CYRIB: variants seen among roughly 807,000 people sequenced by gnomAD.
CYRIB encodes the protein CYFIP related Rac1 interactor B, also known as CYFIP-related Rac1 interactor B.
In CYRIB, 8 loss-of-function variants were observed where a neutral mutation model predicts 44.2. The ratio of observed to expected loss-of-function variants is 0.18; its 90% CI spans 0.11 to 0.33. The LOEUF is 0.33. Ranked by LOEUF, CYRIB falls within the 10% of genes least tolerant of loss-of-function variation. The probability of loss-of-function intolerance (pLI) is 1.00; values close to 1 mark genes in which losing one functional copy is unlikely to be tolerated. For synonymous variants in CYRIB, 131 were observed against 127.2 expected (o/e 1.03, Z -0.20); for missense variants, 185 against 382.8 (o/e 0.48, Z 4.31).
intron 4 of CYRIB, among the ~76,000 whole-genome samples, chr8:129,868,357 C>T (rs978813457): frequency 2.0e-5 from 3 of 152,088 alleles, no homozygotes; most frequent in African/African-American, 7.2e-5. Context: ...ATTTCAATGC[C>T]TATTTCTCTT....
At position 129,939,042 on chromosome 8, in the gene CYRIB, G is replaced by A. The variant is rs368454999; in HGVS notation, c.-50+566C>T. Among the ~76,000 whole-genome samples the A allele has an allele frequency of 1.6e-4, 25 of 152,342 alleles. No individual in the cohort carries two copies. In the East Asian group the frequency reaches 4.6e-3, roughly 28 times the overall value. On this transcript the variant is annotated intron_variant, in intron 1 of 11. Coordinates refer to ENST00000519824, the Ensembl canonical transcript of CYRIB. ...GGACAACGCAGTATCTAAGTTGGAA[G>A]ATCTGGCCGCGCAGGTGGAAGGCGA...
chr8:129,962,236 C>T (rs1276939516), intron 2 of CYRIB, among the ~76,000 whole-genome samples: 1 of 151,110 alleles, frequency 6.6e-6, no homozygotes, highest in Non-Finnish European at 1.5e-5. Flanking sequence ...AGAGTGAAAC[C>T]CTGTTTAAAA....
intron 2 of CYRIB, among the ~76,000 whole-genome samples, chr8:129,886,946 C>T (rs529238552): frequency 6.6e-6 from 1 of 152,306 alleles, no homozygotes; most frequent in South Asian, 2.1e-4. Context: ...TATAAATCAT[C>T]CTTTCTCTGC....
intron 2 of CYRIB, among the ~76,000 whole-genome samples, chr8:129,958,600 G>A (rs558756397): frequency 1.1e-4 from 17 of 152,248 alleles, no homozygotes; most frequent in African/African-American, 3.9e-4. Flanking sequence ...GGGCAGAAAA[G>A]TCAAAAGGGG....
chr8:129,994,096 C>G (rs1259664756), intron 1 of CYRIB, among the ~76,000 whole-genome samples: 1 of 152,154 alleles, frequency 6.6e-6, no homozygotes, highest in East Asian at 1.9e-4. Context: ...GATTTAGGAT[C>G]TTTGCAGATG....
chr8:129,882,850 T>C (rs555131331), intron 2 of CYRIB, among the ~76,000 whole-genome samples: 7 of 152,196 alleles, frequency 4.6e-5, no homozygotes, highest in South Asian at 2.1e-4. Context: ...TTTGCTCTCA[T>C]AAGGATTGAG....
chr8:129,907,484 C>T (rs781653925), intron 1 of CYRIB, among the ~76,000 whole-genome samples: 1 of 152,006 alleles, frequency 6.6e-6, no homozygotes, highest in Non-Finnish European at 1.5e-5. Flanking sequence ...AGGAGATATA[C>T]TTAATGTAAA....
intron 1 of CYRIB, among the ~76,000 whole-genome samples, chr8:129,980,350 T>C (rs1342530327): frequency 6.6e-6 from 1 of 152,138 alleles, no homozygotes; most frequent in Non-Finnish European, 1.5e-5. Flanking sequence ...GACAACTACA[T>C]AGCGTGGTGC....
exon 4 of CYRIB, chr8:129,871,429 T>C: frequency 2.5e-6 from 4 of 1,611,530 alleles, no homozygotes; most frequent in Non-Finnish European, 3.4e-6. Flanking sequence ...CCAAGATGCC[T>C]TCTGCATCTT....
chr8:129,951,080 A>G (rs962071198), intron 2 of CYRIB, among the ~76,000 whole-genome samples: 1 of 152,146 alleles, frequency 6.6e-6, no homozygotes, highest in African/African-American at 2.4e-5. Context: ...CAAGGCAGGC[A>G]GATCACTCAA....
chr8:129,851,971 C>T (rs117153046), intron 8 of CYRIB, 191 bp downstream of exon 10: 1 of 393,660 alleles, frequency 2.5e-6, no homozygotes, highest in Non-Finnish European at 4.5e-6. Context: ...TTTCCACCAT[C>T]CCTCCAGAGA....
chr8:130,010,062 A>C (rs1188487786), intron 1 of CYRIB, among the ~76,000 whole-genome samples: 1 of 152,116 alleles, frequency 6.6e-6, no homozygotes, highest in African/African-American at 2.4e-5. Context: ...CGGGGCCCTC[A>C]CTGTCCTTCC....
rs113649716 is a variant in CYRIB at position 129,854,962 on chromosome 8, A to G, written c.439-619T>C. 2.7e-3 allele frequency among the ~76,000 whole-genome samples: 413 copies of G among 152,340 alleles called. 1 individual carries two copies. The highest frequency in any genetic ancestry group is 9.5e-3 in the African/African-American group (393 of 41,572). On this transcript the variant is annotated intron_variant, in intron 6 of 11. Transcript: ENST00000519824. The stretch of plus-strand genomic sequence containing the variant: ...AAACACTATAAACAATGACAGAGGA[A>G]AAAAGAAACAGAAAGAAAGGAAGAA...
intron 3 of CYRIB, among the ~76,000 whole-genome samples, chr8:129,875,340 A>T (rs1055769664): frequency 6.6e-6 from 1 of 151,556 alleles, no homozygotes; most frequent in Non-Finnish European, 1.5e-5. Context: ...ATCACAGCTC[A>T]CTGCAAGGGC....
At chr8:129,997,716 G>T (rs1356655302) in intron 1 of CYRIB, among the ~76,000 whole-genome samples, 1 of 152,086 alleles carries the variant, frequency 6.6e-6, no homozygotes, top group Non-Finnish European at 1.5e-5. Flanking sequence ...CTGCCACTAG[G>T]TTGTCACATA....
exon 12 of CYRIB, chr8:129,840,583 T>C (rs950850399): frequency 6.6e-6 from 1 of 152,208 alleles, no homozygotes; most frequent in Non-Finnish European, 1.5e-5. Context: ...GCCAATGTTA[T>C]CCAGAAGGCT....
At chr8:129,998,018 G>A (rs899884348) in intron 1 of CYRIB, among the ~76,000 whole-genome samples, 2 of 151,726 alleles carry the variant, frequency 1.3e-5, no homozygotes, top group Admixed American at 1.3e-4. Context: ...CTACTCAGGG[G>A]GCTGAGGCAA....
intron 2 of CYRIB, among the ~76,000 whole-genome samples, chr8:129,884,253 G>T (rs1446894892): frequency 6.6e-6 from 1 of 152,080 alleles, no homozygotes; most frequent in East Asian, 1.9e-4. Context: ...CTAAGTTTCG[G>T]ATGAATAAAT....
chr8:129,886,658 C>A (rs992263767), intron 2 of CYRIB, among the ~76,000 whole-genome samples: 1 of 152,116 alleles, frequency 6.6e-6, no homozygotes, highest in Non-Finnish European at 1.5e-5. Flanking sequence ...ACTGGGAAGG[C>A]CATCAGGTAA....
Sources: gnomAD v4.1 joint callset for allele counts (sites outside exome capture counted in the v4.1 genomes callset) on GRCh38, gnomAD v4.1.1 for gene constraint, MANE v1.5 for transcripts, NCBI Gene and HGNC (gene_info 2026-07-23, HGNC 2026-07-21) for gene names.